UBR4: variants seen among roughly 807,000 people sequenced by gnomAD.
The protein encoded by UBR4 is E3 ubiquitin-protein ligase UBR4.
Under a neutral mutation model 575.6 loss-of-function variants are expected in UBR4, and 124 were observed. That is an observed-to-expected ratio of 0.22 (90% confidence interval 0.19 to 0.25). The LOEUF (loss-of-function observed/expected upper bound fraction) is 0.25, where lower values mean the gene tolerates loss of function less well. UBR4 is among the 10% of genes least tolerant of loss of function. The pLI is 1.00. For synonymous variants in UBR4, 2,455 were observed against 2,473.7 expected, an observed-to-expected ratio of 0.99 and a Z score of 0.22; for missense variants, 4,818 against 6,478.8, an observed-to-expected ratio of 0.74 and a Z score of 8.80.
Position 19,162,600 on chromosome 1 carries a change from G to A in UBR4, c.4776C>T (p.Ile1592=). The change falls in exon 35 of 106, where the codon ATC becomes ATT. Residue 1592 remains isoleucine, a synonymous_variant. Transcript: ENST00000375254. The stretch of plus-strand genomic sequence containing the variant: ...ACATGATATGGCATGTGCACTCCAA[G>A]ATCATCACATGCTGTAAGAGAAGCC... ...ANVMHGKHVM[I]LECTCHIMSY... The A allele has an allele frequency of 1.2e-6, 2 of 1,612,986 alleles. No individual in the cohort carries two copies. The highest frequency in any genetic ancestry group is 1.7e-6 in the Non-Finnish European group (2 of 1,179,576).
In UBR4 at chr1:19,148,070, G is replaced by A. The variant is rs1453077007; in HGVS notation, c.7552C>T (p.Pro2518Ser). ...LATLLLSLPA[P>S]ASVQQQSKSL... ...TTGGACTGCTGCTGGACACTGGCAG[G>A]TGCTGGCAGGGACAACAGCAAAGTG... The change falls in exon 51 of 106, where the codon CCT (proline) becomes TCT (serine). Residue 2518 changes from proline to serine, a missense_variant. By Grantham distance (74) the Pro-to-Ser change is moderately conservative. Coordinates refer to ENST00000375254, the MANE Select transcript of UBR4 (RefSeq NM_020765.3). 6.2e-7 allele frequency: 1 copy of A among 1,611,776 alleles called. No homozygotes were observed. Among genetic ancestry groups the A allele is most frequent in the South Asian group, 1.1e-5 (1 of 91,070 alleles).
chr1:19,173,089 G>A lies in UBR4; in HGVS notation c.3296C>T (p.Ser1099Leu), dbSNP rs1557899201. The A allele has an allele frequency of 6.2e-7, 1 of 1,613,940 alleles. No individual in the cohort carries two copies. The highest frequency in any genetic ancestry group is 8.5e-7 in the Non-Finnish European group (1 of 1,179,800). Reference sequence around the variant, plus strand: ...GGTACAGTCGATACTACAGAAGGATGAGATCTTTAAAAATATGCAAAATAT... The same window carrying A: ...GGTACAGTCGATACTACAGAAGGATAAGATCTTTAAAAATATGCAAAATAT... Reference protein sequence around the residue: ...IVEEYFARQISSFCSIDCTTI... With the variant: ...IVEEYFARQILSFCSIDCTTI... Residue 1099 changes from serine to leucine, a missense_variant, in exon 25 of 106, where the codon TCA becomes TTA. Physicochemically the swap from Ser to Leu is moderately radical, Grantham distance 145 (BLOSUM62 -2). Coordinates refer to ENST00000375254, the MANE Select transcript of UBR4 (RefSeq NM_020765.3).
At chr1:19,164,687 G>C in intron 32 of UBR4, 112 bp downstream of exon 32, 1 of 1,374,162 alleles carries the variant, frequency 7.3e-7, no homozygotes, top group Non-Finnish European at 1.0e-6. Context: ...GAGAGAGGTA[G>C]ATACAAAAAT....
At chr1:19,077,361 A>T (rs572488056) in intron 104 of UBR4, among the ~76,000 whole-genome samples, 1 of 152,354 alleles carries the variant, frequency 6.6e-6, no homozygotes, top group South Asian at 2.1e-4. Context: ...AGAGCAGCAA[A>T]GAGAGACCCG....
At chr1:19,099,793 G>T in intron 89 of UBR4, 116 bp from the exon 90 acceptor site, 1 of 821,078 alleles carries the variant, frequency 1.2e-6, no homozygotes, top group Non-Finnish European at 1.9e-6. Flanking sequence ...ATATGTCATG[G>T]ACCTATCAAC....
intron 104 of UBR4, 83 bp downstream of exon 104, chr1:19,077,893 G>A (rs1490926338): frequency 6.2e-7 from 1 of 1,609,236 alleles, no homozygotes; most frequent in Non-Finnish European, 8.5e-7. Flanking sequence ...CAGCCATGTG[G>A]GTGCTGAGGC....
At chr1:19,195,182 G>A (rs1285222250) in intron 8 of UBR4, among the ~76,000 whole-genome samples, 6 of 151,200 alleles carry the variant, frequency 4.0e-5, no homozygotes, top group African/African-American at 9.7e-5. Flanking sequence ...GGAGAATGGC[G>A]TGAAACCAGG....
chr1:19,159,642 G>A (rs6699068), intron 39 of UBR4, among the ~76,000 whole-genome samples: 25,889 of 145,500 alleles, frequency 0.18, 2,436 homozygotes, highest in African/African-American at 0.25. Context: ...TCACTCCGTC[G>A]CCCAGGCTGG....
At chr1:19,099,808 C>A in intron 89 of UBR4, 131 bp from the exon 90 acceptor site, 1 of 713,244 alleles carries the variant, frequency 1.4e-6, no homozygotes, top group Non-Finnish European at 2.2e-6. Context: ...ATCAACTCTC[C>A]CACTCTTAAA....
intron 17 of UBR4, among the ~76,000 whole-genome samples, chr1:19,181,558 C>T (rs1557939405): frequency 6.6e-6 from 1 of 152,148 alleles, no homozygotes; most frequent in Non-Finnish European, 1.5e-5. Flanking sequence ...GCAAAATGTC[C>T]TATGCCTATC....
In UBR4 at chr1:19,094,148, GA is replaced by G. The variant is rs1310689117; in HGVS notation, c.13747-10del. 6.2e-7 allele frequency: 1 copy of G among 1,609,218 alleles called. No individual in the cohort carries two copies. The highest frequency in any genetic ancestry group is 1.7e-5 in the Admixed American group (1 of 59,344). ...GTCAGGAGGAGGTTGCCCTGCAACAGAAAAGAGGGTGAACATGCCATTAATG... is the reference window on the plus strand; with the variant it reads ...GTCAGGAGGAGGTTGCCCTGCAACAGAAAGAGGGTGAACATGCCATTAATG... On this transcript the variant is annotated splice_polypyrimidine_tract_variant and intron_variant, in intron 94 of 105. Coordinates refer to ENST00000375254, the MANE Select transcript of UBR4 (RefSeq NM_020765.3).
chr1:19,196,262 G>T (rs2092450299), intron 8 of UBR4, among the ~76,000 whole-genome samples: 1 of 152,118 alleles, frequency 6.6e-6, no homozygotes, highest in African/African-American at 2.4e-5. Flanking sequence ...AGACAGTAAG[G>T]TCTCTGAGAG....
In UBR4 at chr1:19,153,324, C is replaced by G; in HGVS notation, c.6809G>C (p.Arg2270Pro). 1 of 1,614,172 alleles carries G rather than the reference C, an allele frequency of 6.2e-7. No homozygotes were observed. The highest frequency in any genetic ancestry group is 1.6e-4 in the Middle Eastern group (1 of 6,062). Residue 2270 changes from arginine (R) to proline (P), a missense_variant, in exon 46 of 106, where the codon CGA (arginine) becomes CCA (proline). Coordinates refer to ENST00000375254, the MANE Select transcript of UBR4 (RefSeq NM_020765.3). The surrounding 1 kb of genome is among the most constrained non-coding windows in gnomAD (Gnocchi z 4.1). ...SSVISIMKPV[R>P]KRKTATITTR... ...ACTGATTGTAGCTGTTTTGCGCTTT[C>G]GAACAGGCTTCATGATGCTGATGAC...
At chr1:19,209,935 G>T (rs1261596821) in intron 1 of UBR4, 138 bp downstream of exon 1, 2 of 1,336,632 alleles carry the variant, frequency 1.5e-6, no homozygotes, top group Non-Finnish European at 1.9e-6. Flanking sequence ...GTCTCCCCGG[G>T]CCCGGGACCC....
intron 76 of UBR4, 53 bp downstream of exon 76, chr1:19,113,891 CT>C: frequency 6.2e-7 from 1 of 1,614,196 alleles, no homozygotes; most frequent in Non-Finnish European, 8.5e-7. Context: ...AGGAGGCAGT[CT>C]TCTGATCAAG....
At chr1:19,169,344 G>A in intron 27 of UBR4, 91 bp downstream of exon 27, 4 of 1,029,048 alleles carry the variant, frequency 3.9e-6, no homozygotes, top group Non-Finnish European at 5.5e-6. Context: ...TATCTTGGTA[G>A]CTAGTTTAAG....
Position 19,115,630 on chromosome 1 carries a change from G to T in UBR4, c.10831C>A (p.Arg3611Ser), listed in dbSNP as rs774613053. ...AIVELKNKPA[R>S]WHKAKKVQLT... Reference sequence around the variant, plus strand: ...TGAACCTTCTTGGCTTTGTGCCAGCGAGCTGGCCTAGGAAAGACAGACAGC... The same window carrying T: ...TGAACCTTCTTGGCTTTGTGCCAGCTAGCTGGCCTAGGAAAGACAGACAGC... The change falls in exon 74 of 106, where the codon CGC becomes AGC. Residue 3611 changes from arginine to serine, a missense_variant. Coordinates refer to ENST00000375254, the MANE Select transcript of UBR4 (RefSeq NM_020765.3). 1 of 1,613,982 alleles carries T rather than the reference G, an allele frequency of 6.2e-7. No individual in the cohort carries two copies. Among genetic ancestry groups the T allele is most frequent in the Non-Finnish European group, 8.5e-7 (1 of 1,180,002 alleles).
intron 60 of UBR4, among the ~76,000 whole-genome samples, chr1:19,129,352 G>A (rs1321416065): frequency 6.6e-6 from 1 of 152,192 alleles, no homozygotes; most frequent in Admixed American, 6.5e-5. Flanking sequence ...GAAGTTCAAA[G>A]TATTTCCCAA....
At chr1:19,115,301 A>T in intron 74 of UBR4, 97 bp downstream of exon 74, 1 of 1,500,630 alleles carries the variant, frequency 6.7e-7, no homozygotes, top group Non-Finnish European at 8.9e-7. Flanking sequence ...AAATGTTCTG[A>T]GGGAATCAGA....
Sources: gnomAD v4.1 joint callset for allele counts (sites outside exome capture counted in the v4.1 genomes callset) on GRCh38, gnomAD v4.1.1 for gene constraint, Gnocchi (gnomAD v3.1) non-coding constraint, MANE v1.5 for transcripts, NCBI Gene and HGNC (gene_info 2026-07-23, HGNC 2026-07-21) for gene names.